AGAP1: variants seen among roughly 807,000 people sequenced by gnomAD.
The protein encoded by AGAP1 is ArfGAP with GTPase domain, ankyrin repeat and PH domain 1.
AGAP1 carries 29 observed loss-of-function variants against 105.3 expected under a neutral mutation model. That is an observed-to-expected ratio of 0.28 (90% CI 0.21 to 0.38). AGAP1 has a LOEUF of 0.38. Among genes scored for constraint, AGAP1 ranks in the 10% least tolerant of loss-of-function variants. The pLI is 1.00. For missense variants in AGAP1, 998 were observed against 1,165.1 expected (o/e 0.86, Z 2.09); for synonymous variants, 509 against 485.9 (o/e 1.05, Z -0.63).
chr2:235,792,678 T>C lies in AGAP1; in HGVS notation c.674-5081T>C, dbSNP rs1357191676. The stretch of plus-strand genomic sequence containing the variant: ...TCTGTTAGGTCTGTTCTGTCCATGG[T>C]GAAGAGCGGGTTGTGCCATCGACTG... On this transcript the variant is annotated intron_variant, in intron 6 of 17. Transcript: ENST00000304032. The surrounding 1 kb of genome is among the most constrained non-coding windows in gnomAD (Gnocchi z 5.3). Among the ~76,000 whole-genome samples the C allele has an allele frequency of 1.3e-5, 2 of 152,144 alleles. No homozygotes were observed. Among genetic ancestry groups the C allele is most frequent in the Non-Finnish European group, 2.9e-5 (2 of 68,016 alleles).
chr2:235,548,317 TCTC>T (rs1161552162), intron 1 of AGAP1, among the ~76,000 whole-genome samples: 3 of 152,110 alleles, frequency 2.0e-5, no homozygotes, highest in East Asian at 1.9e-4. Flanking sequence ...CCCATTTCCT[TCTC>T]CTCCACTTTC....
At position 235,893,562 on chromosome 2, in the gene AGAP1, T is replaced by G. The variant is rs368432819; in HGVS notation, c.1155+10113T>G. 3.9e-5 allele frequency among the ~76,000 whole-genome samples: 6 copies of G among 152,174 alleles called. No individual in the cohort carries two copies. The South Asian group carries it at 1.2e-3, about 32-fold the overall frequency. On this transcript the variant is annotated intron_variant, in intron 10 of 17. Coordinates refer to ENST00000304032, the MANE Select transcript of AGAP1 (RefSeq NM_001037131.3). The surrounding 1 kb of genome is among the most constrained non-coding windows in gnomAD (Gnocchi z 4.7). ...CTGTGGTGCGGGTGTGCCGTGTCCA[T>G]CATGAGGGTGCGCCGTGTCCGTCAT... is the stretch of plus-strand genomic sequence containing the variant.
rs549494920 is a variant in AGAP1, at chr2:235,973,755, G to A, written c.1645+5132G>A. ...TCTAGAAAAAGCTCTACGAACCAGG[G>A]CCACCTGAGAGGGAGTGACCCCGAC... On this transcript the variant is annotated intron_variant, in intron 13 of 17. Coordinates refer to ENST00000304032, the MANE Select transcript of AGAP1 (RefSeq NM_001037131.3). This position sits in a 1 kb window ranked among gnomAD's most constrained non-coding sequence, Gnocchi z 4.7. Among the ~76,000 whole-genome samples, 1 of 152,166 alleles carries A rather than the reference G, an allele frequency of 6.6e-6. No homozygotes were observed. Among genetic ancestry groups the A allele is most frequent in the African/African-American group, 2.4e-5 (1 of 41,432 alleles).
intron 8 of AGAP1, among the ~76,000 whole-genome samples, chr2:235,803,994 A>G (rs1244761421): frequency 6.6e-6 from 1 of 152,146 alleles, no homozygotes; most frequent in Non-Finnish European, 1.5e-5. Context: ...TATTAGAAAA[A>G]TTTTTCAAAC....
intron 2 of AGAP1, among the ~76,000 whole-genome samples, chr2:235,715,310 T>C (rs1029681544): frequency 6.6e-6 from 1 of 152,206 alleles, no homozygotes; most frequent in Non-Finnish European, 1.5e-5. Context: ...AGCTGGTGTC[T>C]TGGCCCGTAT....
intron 12 of AGAP1, among the ~76,000 whole-genome samples, chr2:235,966,584 G>A (rs1351062997): frequency 6.6e-6 from 1 of 152,130 alleles, no homozygotes; most frequent in Non-Finnish European, 1.5e-5. Flanking sequence ...CACATTTCTC[G>A]CAACTCCTTA....
chr2:235,771,243 C>T (rs1955420609), intron 6 of AGAP1, among the ~76,000 whole-genome samples: 1 of 152,232 alleles, frequency 6.6e-6, no homozygotes, highest in African/African-American at 2.4e-5. Context: ...GTTAGAGCAG[C>T]TGCAGGAAGC....
At chr2:235,984,733 G>A (rs569989446) in intron 13 of AGAP1, among the ~76,000 whole-genome samples, 8 of 152,168 alleles carry the variant, frequency 5.3e-5, no homozygotes, top group South Asian at 4.2e-4. Flanking sequence ...TTAGTTCGCC[G>A]AGGAAGATGG....
rs116383145 is a variant in AGAP1, at chr2:235,816,657, G to A, written c.1050+9326G>A. On this transcript the variant is annotated intron_variant, in intron 9 of 17. Coordinates refer to ENST00000304032, the MANE Select transcript of AGAP1 (RefSeq NM_001037131.3). Reference sequence around the variant, plus strand: ...TGTCATGTCAGCACTTTGGGAGACCGAGGTGAGTGGATCACCTGAGGCCAG... The same window carrying A: ...TGTCATGTCAGCACTTTGGGAGACCAAGGTGAGTGGATCACCTGAGGCCAG... Among the ~76,000 whole-genome samples the A allele has an allele frequency of 9.6e-3, 1,461 of 152,210 alleles. 17 individuals are homozygous for A. The highest frequency in any genetic ancestry group is 0.033 in the African/African-American group (1,367 of 41,532).
chr2:235,763,917 C>T (rs572936652), intron 6 of AGAP1, among the ~76,000 whole-genome samples: 5 of 152,294 alleles, frequency 3.3e-5, no homozygotes, highest in South Asian at 2.1e-4. Flanking sequence ...GGTCATCAGG[C>T]GGTTGCAAAG....
rs543968008 is a variant in AGAP1 at position 235,788,843 on chromosome 2, C to T, written c.674-8916C>T. On this transcript the variant is annotated intron_variant, in intron 6 of 17. Coordinates refer to ENST00000304032, the MANE Select transcript of AGAP1 (RefSeq NM_001037131.3). The surrounding 1 kb of genome is among the most constrained non-coding windows in gnomAD (Gnocchi z 6.0). Reference sequence around the variant, plus strand: ...TGCGGGGCCACACCACGTTAGGGTGCTTTTCGGCATCTCTCAGTGGGGTGA... The same window carrying T: ...TGCGGGGCCACACCACGTTAGGGTGTTTTTCGGCATCTCTCAGTGGGGTGA... Among the ~76,000 whole-genome samples the T allele has an allele frequency of 1.4e-4, 22 of 152,164 alleles. No individual in the cohort carries two copies. The highest frequency in any genetic ancestry group is 3.3e-4 in the Admixed American group (5 of 15,274).
rs968113611 is a variant in AGAP1 at position 235,740,797 on chromosome 2, A to T, written c.311-166A>T. Among the ~76,000 whole-genome samples, 4 of 152,262 alleles carry T rather than the reference A, an allele frequency of 2.6e-5. No individual in the cohort carries two copies. Among genetic ancestry groups the T allele is most frequent in the Non-Finnish European group, 5.9e-5 (4 of 68,048 alleles). ...TCTTAAAGACAAACATTTAAATCTGAGTTCGGCTCTGTTAAAATTCAGCAT... is the reference window on the plus strand; with the variant it reads ...TCTTAAAGACAAACATTTAAATCTGTGTTCGGCTCTGTTAAAATTCAGCAT... On this transcript the variant is annotated intron_variant, in intron 3 of 17. Coordinates refer to ENST00000304032, the MANE Select transcript of AGAP1 (RefSeq NM_001037131.3). The surrounding 1 kb of genome is among the most constrained non-coding windows in gnomAD (Gnocchi z 5.7).
At chr2:235,554,218 C>A (rs75620605) in intron 1 of AGAP1, among the ~76,000 whole-genome samples, 1 of 152,208 alleles carries the variant, frequency 6.6e-6, no homozygotes, top group Non-Finnish European at 1.5e-5. Context: ...TTTTAATTAG[C>A]GTGGTCCAGC....
chr2:235,584,193 C>CTTTTTTTTT (rs11447483), intron 1 of AGAP1, among the ~76,000 whole-genome samples: 5 of 139,986 alleles, frequency 3.6e-5, no homozygotes, highest in Non-Finnish European at 1.5e-5. Context: ...CAATAAACCA[C>CTTTTTTTTT]TTTTTTTTTT....
At chr2:235,502,726 G>T (rs1280120587) in intron 1 of AGAP1, among the ~76,000 whole-genome samples, 3 of 146,628 alleles carry the variant, frequency 2.0e-5, no homozygotes, top group Non-Finnish European at 4.5e-5. Flanking sequence ...TTTTTTAAGG[G>T]TGGGAAAACA....
rs1234818405 is a variant in AGAP1 at position 235,625,999 on chromosome 2, T to C, written c.164-83180T>C. On this transcript the variant is annotated intron_variant, in intron 1 of 17. Transcript: ENST00000304032. The surrounding 1 kb of genome is among the most constrained non-coding windows in gnomAD (Gnocchi z 4.0). ...TGCACAGGCATTTGCTGCTGTATCC[T>C]ATGAGCGAAAAATTGGGAAGTGTGA... is the stretch of plus-strand genomic sequence containing the variant. 6.6e-6 allele frequency among the ~76,000 whole-genome samples: 1 copy of C among 152,142 alleles called. No homozygotes were observed. Among genetic ancestry groups the C allele is most frequent in the Admixed American group, 6.5e-5 (1 of 15,280 alleles).
rs375359606 is a variant in AGAP1, at chr2:236,074,580, G to T, written c.2114+25299G>T. Among the ~76,000 whole-genome samples, 25 of 152,240 alleles carry T rather than the reference G, an allele frequency of 1.6e-4. No homozygotes were observed. In the South Asian group the frequency reaches 4.6e-3, roughly 28 times the overall value. ...AAAACCTAACATCTACATACAGTAG[G>T]TATTTCTGAACCACACTCAACCAAA... On this transcript the variant is annotated intron_variant, in intron 16 of 17. Transcript: ENST00000304032.
Position 235,818,872 on chromosome 2 carries a change from C to T in AGAP1, c.1050+11541C>T, listed in dbSNP as rs773362320. Reference sequence around the variant, plus strand: ...TACAGGCGTGAGCCACCATGCCCGGCCCATGGCCATCTTTTCTGTGCAAGA... The same window carrying T: ...TACAGGCGTGAGCCACCATGCCCGGTCCATGGCCATCTTTTCTGTGCAAGA... On this transcript the variant is annotated intron_variant, in intron 9 of 17. Coordinates refer to ENST00000304032, the MANE Select transcript of AGAP1 (RefSeq NM_001037131.3). Among the ~76,000 whole-genome samples, 40 of 152,208 alleles carry T rather than the reference C, an allele frequency of 2.6e-4. 1 individual carries two copies. Among genetic ancestry groups the T allele is most frequent in the Non-Finnish European group, 3.1e-4 (21 of 68,046 alleles).
chr2:235,937,001 T>G (rs1312630923), intron 12 of AGAP1, among the ~76,000 whole-genome samples: 1 of 152,212 alleles, frequency 6.6e-6, no homozygotes, highest in African/African-American at 2.4e-5. Context: ...TTGTTTGTCT[T>G]TTGATAGCGC....
Sources: allele counts gnomAD v4.1 joint callset (sites outside exome capture counted in the v4.1 genomes callset), GRCh38; gene constraint gnomAD v4.1.1; non-coding constraint Gnocchi (gnomAD v3.1); transcripts MANE v1.5; gene names NCBI Gene and HGNC (gene_info 2026-07-23, HGNC 2026-07-21).